DLG2: variants seen among roughly 807,000 people sequenced by gnomAD.
DLG2 encodes the protein disks large homolog 2.
A neutral mutation model predicts 132.5 loss-of-function variants in DLG2; 45 were observed. That is an observed-to-expected ratio of 0.34 (90% confidence interval 0.27 to 0.44). The LOEUF (loss-of-function observed/expected upper bound fraction) is 0.44, where lower values mean the gene tolerates loss of function less well. DLG2 is among the 20% of genes least tolerant of loss of function. The probability of loss-of-function intolerance (pLI) is 1.00; values close to 1 mark genes in which losing one functional copy is unlikely to be tolerated. For missense variants in DLG2, 1,045 were observed against 1,196.9 expected, an observed-to-expected ratio of 0.87 and a Z score of 1.87; for synonymous variants, 424 against 419.6, an observed-to-expected ratio of 1.01 and a Z score of -0.13.
chr11:84,898,658 C>G (rs2090504003), intron 6 of DLG2, among the ~76,000 whole-genome samples: 1 of 151,836 alleles, frequency 6.6e-6, no homozygotes, highest in Non-Finnish European at 1.5e-5. Context: ...GGCTTCCATT[C>G]CCAAGTATAC....
At chr11:84,030,613 C>G (rs1421674646) in intron 11 of DLG2, among the ~76,000 whole-genome samples, 1 of 152,078 alleles carries the variant, frequency 6.6e-6, no homozygotes, top group Non-Finnish European at 1.5e-5. Context: ...TTCTCCTCAA[C>G]CCAAGTTTAG....
chr11:84,378,451 T>C (rs1370846857), intron 7 of DLG2, among the ~76,000 whole-genome samples: 2 of 152,146 alleles, frequency 1.3e-5, no homozygotes, highest in Admixed American at 6.6e-5. Flanking sequence ...ATTCAGTCTG[T>C]AATATTTAGT....
At chr11:84,487,999 AT>A (rs35253912) in intron 7 of DLG2, among the ~76,000 whole-genome samples, 1 of 152,156 alleles carries the variant, frequency 6.6e-6, no homozygotes, top group Non-Finnish European at 1.5e-5. Context: ...TTAGAGATGA[AT>A]TTGAATGACA....
Position 85,261,140 on chromosome 11 carries a change from C to T in DLG2, c.186+24080G>A, listed in dbSNP as rs181093099. Among the ~76,000 whole-genome samples, 287 of 152,170 alleles carry T rather than the reference C, an allele frequency of 1.9e-3. 1 individual carries two copies. The highest frequency in any genetic ancestry group is 2.7e-3 in the Non-Finnish European group (185 of 68,012). ...TATGTTGCAAGGAAATAACAGACAGCACAGCAGAGAAGGGGCTGTCTGCAA... is the reference window on the plus strand; with the variant it reads ...TATGTTGCAAGGAAATAACAGACAGTACAGCAGAGAAGGGGCTGTCTGCAA... On this transcript the variant is annotated intron_variant, in intron 4 of 27. Transcript: ENST00000376104.
At chr11:84,198,226 A>T (rs182149095) in intron 8 of DLG2, among the ~76,000 whole-genome samples, 113 of 152,272 alleles carry the variant, frequency 7.4e-4, no homozygotes, top group African/African-American at 2.6e-3. Flanking sequence ...TAATACTAAG[A>T]GGTAGAGAGT....
intron 10 of DLG2, among the ~76,000 whole-genome samples, chr11:84,081,417 G>A (rs1023013959): frequency 6.2e-5 from 9 of 145,006 alleles, no homozygotes; most frequent in African/African-American, 2.0e-4. Context: ...AAATACTTCA[G>A]GTCTATAATT....
intron 3 of DLG2, chr11:85,453,784 T>A (rs1224627163): frequency 6.6e-6 from 1 of 152,140 alleles, no homozygotes; most frequent in Non-Finnish European, 1.5e-5. Context: ...ACTTTTGTCT[T>A]TTTTTAAATT....
chr11:84,732,542 T>G (rs1383822171), intron 6 of DLG2, among the ~76,000 whole-genome samples: 1 of 151,940 alleles, frequency 6.6e-6, no homozygotes. Flanking sequence ...TTTCATGTGG[T>G]TTTTTTCCCT....
At chr11:84,104,554 T>G (rs1193354774) in intron 9 of DLG2, among the ~76,000 whole-genome samples, 1 of 152,072 alleles carries the variant, frequency 6.6e-6, no homozygotes, top group Non-Finnish European at 1.5e-5. Flanking sequence ...AATGTGCACA[T>G]GAACCCCCAG....
At chr11:84,242,378 G>T (rs1053081196) in intron 8 of DLG2, among the ~76,000 whole-genome samples, 2 of 151,780 alleles carry the variant, frequency 1.3e-5, no homozygotes, top group Non-Finnish European at 2.9e-5. Flanking sequence ...TTTTGACTTG[G>T]CTTTTAAAAA....
At chr11:84,470,670 C>A (rs2099106156) in intron 7 of DLG2, among the ~76,000 whole-genome samples, 1 of 151,574 alleles carries the variant, frequency 6.6e-6, no homozygotes, top group Admixed American at 6.6e-5. Context: ...TTCTCCCTGG[C>A]AGAGGTAAAT....
At chr11:83,652,048 A>C (rs1350870004) in intron 18 of DLG2, 3 of 294,168 alleles carry the variant, frequency 1.0e-5, no homozygotes, top group Non-Finnish European at 2.1e-5. Flanking sequence ...AAGAGAAAAA[A>C]TTATGCTCTT....
intron 6 of DLG2, among the ~76,000 whole-genome samples, chr11:84,929,920 C>A (rs1047997574): frequency 1.3e-5 from 2 of 152,008 alleles, no homozygotes; most frequent in African/African-American, 4.8e-5. Flanking sequence ...TTCCTTACCA[C>A]AATTACTCAC....
At chr11:85,221,289 C>T (rs1013968639) in intron 4 of DLG2, among the ~76,000 whole-genome samples, 1 of 152,048 alleles carries the variant, frequency 6.6e-6, no homozygotes, top group African/African-American at 2.4e-5. Context: ...ATCCTCCTGA[C>T]CTCGTGATCC....
intron 7 of DLG2, among the ~76,000 whole-genome samples, chr11:84,432,307 G>T (rs1473482703): frequency 6.6e-6 from 1 of 152,176 alleles, no homozygotes; most frequent in Non-Finnish European, 1.5e-5. Context: ...CAGAATTCTG[G>T]ATTTAAAGTG....
In DLG2 at chr11:85,387,648, A is replaced by C. The variant is rs190275482; in HGVS notation, c.41-102283T>G. 1.4e-4 allele frequency among the ~76,000 whole-genome samples: 21 copies of C among 152,356 alleles called. 1 individual carries two copies. The highest frequency in any genetic ancestry group is 4.1e-4 in the African/African-American group (17 of 41,592). ...TGTTTAGGACCTCAATAATGGATCA[A>C]TGAGTATCAGCTAATTTCTGACCAC... On this transcript the variant is annotated intron_variant, in intron 3 of 27. Transcript: ENST00000376104.
chr11:84,680,352 T>C (rs573402579), intron 6 of DLG2, among the ~76,000 whole-genome samples: 4 of 152,104 alleles, frequency 2.6e-5, no homozygotes, highest in Non-Finnish European at 5.9e-5. Context: ...TGCACCAGTA[T>C]CAGTATGAAG....
chr11:85,011,888 T>C (rs2059171347), intron 6 of DLG2, among the ~76,000 whole-genome samples: 1 of 152,172 alleles, frequency 6.6e-6, no homozygotes, highest in South Asian at 2.1e-4. Flanking sequence ...ATAGTATAAT[T>C]TATTCCTTCA....
intron 4 of DLG2, among the ~76,000 whole-genome samples, chr11:85,195,523 G>GT (rs34574453): frequency 0.19 from 25,219 of 133,666 alleles, 3,069 homozygotes; most frequent in Non-Finnish European, 0.27. Flanking sequence ...AAGTGACAGT[G>GT]TTTTTTTTTT....
Sources: gnomAD v4.1 joint callset for allele counts (sites outside exome capture counted in the v4.1 genomes callset) on GRCh38, gnomAD v4.1.1 for gene constraint, MANE v1.5 for transcripts, NCBI Gene and HGNC (gene_info 2026-07-23, HGNC 2026-07-21) for gene names.